The following VAV2 variants were observed in gnomAD, a reference collection of about 807,000 sequenced individuals.
The protein encoded by VAV2 is guanine nucleotide exchange factor VAV2.
In VAV2, 67 loss-of-function variants were observed where a neutral mutation model predicts 132.5. The observed-to-expected ratio is 0.51, with a 90% CI of 0.42 to 0.62. VAV2 has a LOEUF of 0.62. Among genes scored for constraint, VAV2 ranks in the 20% least tolerant of loss-of-function variants. The pLI is 0.00. For synonymous variants in VAV2, 492 were observed against 443.5 expected (o/e 1.11, Z -1.37); for missense variants, 938 against 1,153.6 (o/e 0.81, Z 2.71).
At chr9:133,932,847 A>C (rs1053122710) in intron 2 of VAV2, among the ~76,000 whole-genome samples, 9 of 152,312 alleles carry the variant, frequency 5.9e-5, no homozygotes, top group African/African-American at 1.9e-4. Flanking sequence ...GAGGGTTTCC[A>C]GGGGTCCATC....
At chr9:133,948,350 G>C (rs1378264176) in intron 1 of VAV2, among the ~76,000 whole-genome samples, 1 of 152,216 alleles carries the variant, frequency 6.6e-6, no homozygotes, top group Non-Finnish European at 1.5e-5. Context: ...GCATGGCCTC[G>C]CATGAGTGTC....
intron 4 of VAV2, among the ~76,000 whole-genome samples, chr9:133,814,863 C>T (rs1323465069): frequency 2.6e-5 from 4 of 152,224 alleles, no homozygotes; most frequent in Admixed American, 1.3e-4. Flanking sequence ...AAGCCCAGCC[C>T]GGGCTGCTGC....
chr9:133,985,717 G>A (rs1379451937), intron 1 of VAV2, among the ~76,000 whole-genome samples: 2 of 152,230 alleles, frequency 1.3e-5, no homozygotes, highest in South Asian at 2.1e-4. Context: ...TGGGTTACCA[G>A]CCAGAAAGTC....
chr9:133,853,187 G>A (rs1451049240), intron 3 of VAV2, among the ~76,000 whole-genome samples: 3 of 152,224 alleles, frequency 2.0e-5, no homozygotes, highest in African/African-American at 7.2e-5. Context: ...TGGCCAGTGG[G>A]CCAGGTTGTG....
intron 4 of VAV2, among the ~76,000 whole-genome samples, chr9:133,828,337 TGGGGCTG>T (rs1836121873): frequency 4.3e-5 from 1 of 23,018 alleles, no homozygotes; most frequent in African/African-American, 1.2e-4. Context: ...CTGCGCCCAC[TGGGGCTG>T]ACCACTGAGC....
At chr9:133,790,349 G>C (rs1026292602) in intron 13 of VAV2, among the ~76,000 whole-genome samples, 4 of 152,104 alleles carry the variant, frequency 2.6e-5, no homozygotes, top group Non-Finnish European at 4.4e-5. Flanking sequence ...GCTAATTTTT[G>C]TATTTTTAGT....
intron 1 of VAV2, among the ~76,000 whole-genome samples, chr9:133,940,515 T>C (rs1841099263): frequency 6.6e-6 from 1 of 152,060 alleles, no homozygotes. Context: ...AGCCAGGACA[T>C]ACGCCCCTGC....
At chr9:133,941,622 G>T (rs374489506) in intron 1 of VAV2, among the ~76,000 whole-genome samples, 1 of 97,802 alleles carries the variant, frequency 1.0e-5, no homozygotes, top group East Asian at 3.1e-4. Flanking sequence ...GGGGGGGGGG[G>T]ACGGAATTTC....
At chr9:133,891,708 G>A (rs1453315375) in intron 2 of VAV2, among the ~76,000 whole-genome samples, 4 of 49,552 alleles carry the variant, frequency 8.1e-5, no homozygotes, top group African/African-American at 2.4e-4. Context: ...GGATGAAGGG[G>A]GAGGGATGGA....
Position 133,884,199 on chromosome 9 carries a change from C to G in VAV2, c.322-22767G>C, listed in dbSNP as rs1171622794. Reference sequence around the variant, plus strand: ...CAACTCATGAGCAAAGAGAGGGAATCCAAAATAAATGGTAACCAACCCCCA... The same window carrying G: ...CAACTCATGAGCAAAGAGAGGGAATGCAAAATAAATGGTAACCAACCCCCA... On this transcript the variant is annotated intron_variant, in intron 2 of 29. Transcript: ENST00000371850. This position sits in a 1 kb window ranked among gnomAD's most constrained non-coding sequence, Gnocchi z 5.3. Among the ~76,000 whole-genome samples the G allele has an allele frequency of 6.6e-6, 1 of 152,000 alleles. No individual in the cohort carries two copies. The highest frequency in any genetic ancestry group is 1.5e-5 in the Non-Finnish European group (1 of 68,002).
intron 4 of VAV2, among the ~76,000 whole-genome samples, chr9:133,816,634 G>C (rs12337378): frequency 0.18 from 26,840 of 152,156 alleles, 2,547 homozygotes; most frequent in African/African-American, 0.23. Context: ...TAAGGAGGCT[G>C]AGGAAGGAGG....
At chr9:133,796,278 T>C (rs1278784759) in intron 11 of VAV2, 151 bp downstream of exon 11, 3 of 629,946 alleles carry the variant, frequency 4.8e-6, no homozygotes, top group Non-Finnish European at 8.3e-6. Context: ...TCACATGCAT[T>C]GAGCGGTGAT....
rs111856167 is a variant in VAV2, at chr9:133,779,039, A to G, written c.1763-150T>C. The G allele has an allele frequency of 8.4e-4, 826 of 984,528 alleles. 4 individuals are homozygous for G. In the African/African-American group the frequency reaches 0.012, roughly 14 times the overall value. 61.0% of individuals were successfully genotyped at this position (984,528 alleles called of 1,614,324 possible). On this transcript the variant is annotated intron_variant, in intron 21 of 29. Transcript: ENST00000371850. ...CATCTCCCTTCCCTAAATCCTTCCC[A>G]TAAGCCTCATGTCTTTTTGATAAAT... is the stretch of plus-strand genomic sequence containing the variant.
At chr9:133,817,981 G>T (rs745943774) in intron 4 of VAV2, among the ~76,000 whole-genome samples, 1 of 152,160 alleles carries the variant, frequency 6.6e-6, no homozygotes, top group African/African-American at 2.4e-5. Flanking sequence ...AGAAGAGATT[G>T]ACATTTGAAT....
At chr9:133,775,293 G>T (rs1833774318) in intron 24 of VAV2, among the ~76,000 whole-genome samples, 1 of 152,210 alleles carries the variant, frequency 6.6e-6, no homozygotes, top group Admixed American at 6.5e-5. Flanking sequence ...ATCTTGAGAG[G>T]GGTTAAATAG....
In VAV2 at chr9:133,964,515, GCAC is replaced by G. The variant is rs558955774; in HGVS notation, c.205-25299_205-25297del. Among the ~76,000 whole-genome samples, 304 of 151,864 alleles carry G rather than the reference GCAC, an allele frequency of 2.0e-3. 1 individual carries two copies. The highest frequency in any genetic ancestry group is 7.2e-3 in the African/African-American group (297 of 41,352). ...TATGTATAATGAAAAATACATTTTAGCACAACATAAAAATTATAGGCCAATACC... is the reference window on the plus strand; with the variant it reads ...TATGTATAATGAAAAATACATTTTAGAACATAAAAATTATAGGCCAATACC... On this transcript the variant is annotated intron_variant, in intron 1 of 29. Coordinates refer to ENST00000371850, the MANE Select transcript of VAV2 (RefSeq NM_001134398.2).
At chr9:133,848,125 A>T (rs1289069207) in intron 3 of VAV2, among the ~76,000 whole-genome samples, 1 of 151,954 alleles carries the variant, frequency 6.6e-6, no homozygotes, top group East Asian at 1.9e-4. Context: ...AAAATACAAA[A>T]AAAAATCAGC....
At chr9:133,953,718 C>T (rs569872285) in intron 1 of VAV2, among the ~76,000 whole-genome samples, 9 of 152,088 alleles carry the variant, frequency 5.9e-5, no homozygotes, top group Admixed American at 3.9e-4. Context: ...GGCACCTTTC[C>T]GGCAGGGAGA....
chr9:133,983,803 C>A (rs1331029541), intron 1 of VAV2, among the ~76,000 whole-genome samples: 1 of 151,308 alleles, frequency 6.6e-6, no homozygotes, highest in East Asian at 2.0e-4. Context: ...CCACCCCACC[C>A]CACCCCACGC....
Sources: gnomAD v4.1 joint callset for allele counts (sites outside exome capture counted in the v4.1 genomes callset) on GRCh38, gnomAD v4.1.1 for gene constraint, Gnocchi (gnomAD v3.1) non-coding constraint, MANE v1.5 for transcripts, NCBI Gene and HGNC (gene_info 2026-07-23, HGNC 2026-07-21) for gene names.